GALNTL5: variants seen among roughly 807,000 people sequenced by gnomAD.
GALNTL5 encodes the protein inactive polypeptide N-acetylgalactosaminyltransferase-like protein 5.
GALNTL5 carries 44 observed loss-of-function variants against 51.0 expected under a neutral mutation model. The observed-to-expected ratio is 0.86, with a 90% confidence interval of 0.68 to 1.11. The LOEUF is 1.11. Ranked by LOEUF, GALNTL5 falls within the 50% of genes least tolerant of loss-of-function variation. The probability of loss-of-function intolerance (pLI) is 0.00; values close to 1 mark genes in which losing one functional copy is unlikely to be tolerated. For synonymous variants in GALNTL5, 192 were observed against 182.8 expected, an observed-to-expected ratio of 1.05 and a Z score of -0.41; for missense variants, 528 against 531.8, an observed-to-expected ratio of 0.99 and a Z score of 0.07.
intron 3 of GALNTL5, among the ~76,000 whole-genome samples, chr7:151,976,888 G>A (rs543845852): frequency 2.0e-5 from 3 of 152,070 alleles, no homozygotes; most frequent in East Asian, 1.9e-4. Context: ...GGCTGGTCTC[G>A]AACTCCTGAC....
At chr7:152,008,264 T>C (rs1414040555) in intron 7 of GALNTL5, among the ~76,000 whole-genome samples, 2 of 140,824 alleles carry the variant, frequency 1.4e-5, no homozygotes, top group Non-Finnish European at 3.1e-5. Flanking sequence ...TTTTTTTTTA[T>C]GAGATGTGGT....
intron 5 of GALNTL5, among the ~76,000 whole-genome samples, chr7:151,996,510 C>T (rs1344224111): frequency 6.6e-6 from 1 of 152,090 alleles, no homozygotes; most frequent in Non-Finnish European, 1.5e-5. Context: ...GAGGCTGAGG[C>T]GGGAGGATTG....
chr7:152,007,938 A>C lies in GALNTL5; in HGVS notation c.1020A>C (p.Ser340=). The C allele has an allele frequency of 1.4e-6, 2 of 1,478,140 alleles. No homozygotes were observed. The allele number at this position is 1,478,140 out of a possible 1,614,324, so 91.6% of individuals were successfully genotyped here. ...DFWGRENLEL[S]LRIWMCGGQL... ...GGGGAAGAGAAAATTTGGAACTTTC[A>C]CTAAGGGTAATTCAGATTTCATTTT... The change falls in exon 7 of 9, where the codon TCA becomes TCC. Residue 340 remains serine (S), a synonymous_variant. Transcript: ENST00000392800.
intron 7 of GALNTL5, among the ~76,000 whole-genome samples, chr7:152,012,704 C>T (rs538781490): frequency 1.3e-5 from 2 of 152,284 alleles, no homozygotes; most frequent in East Asian, 1.9e-4. Context: ...TGGTGATTCA[C>T]GCCTCTAATC....
At chr7:151,969,189 C>T (rs2151939849) in intron 2 of GALNTL5, among the ~76,000 whole-genome samples, 1 of 152,284 alleles carries the variant, frequency 6.6e-6, no homozygotes, top group East Asian at 1.9e-4. Context: ...CTGTTCAATT[C>T]ATCCCATTTT....
At chr7:151,995,347 AATTTTTTTTTTTTTTTTTTTTTTTT>A (rs2081484850) in intron 5 of GALNTL5, 5 of 90,980 alleles carry the variant, frequency 5.5e-5, no homozygotes, top group African/African-American at 1.2e-4. Context: ...AGTTGGTATG[AATTTTTTTTTTTTTTTTTTTTTTTT>A]TTTTTTTTTT....
At chr7:151,998,964 C>T (rs1359598786) in intron 5 of GALNTL5, among the ~76,000 whole-genome samples, 63 of 152,092 alleles carry the variant, frequency 4.1e-4, no homozygotes, top group Admixed American at 4.1e-3. Flanking sequence ...GCATTTCGCA[C>T]CTTCACAATG....
In GALNTL5 at chr7:152,002,704, G is replaced by A; in HGVS notation, c.659-10G>A. 6.2e-7 allele frequency: 1 copy of A among 1,613,522 alleles called. No homozygotes were observed. The highest frequency in any genetic ancestry group is 8.5e-7 in the Non-Finnish European group (1 of 1,179,754). On this transcript the variant is annotated splice_polypyrimidine_tract_variant and intron_variant, in intron 5 of 8. Transcript: ENST00000392800. The stretch of plus-strand genomic sequence containing the variant: ...TGTGGACTAACATTGCCCTGTTCTT[G>A]CCTCCCCAGGGGATGTTCTGGTGTT...
At chr7:152,006,911 G>A (rs530138160) in intron 6 of GALNTL5, among the ~76,000 whole-genome samples, 5 of 151,968 alleles carry the variant, frequency 3.3e-5, no homozygotes, top group Non-Finnish European at 7.4e-5. Context: ...GGGATTACAG[G>A]CGCGGGCAAC....
At chr7:151,973,595 T>TA (rs1288949717) in intron 3 of GALNTL5, among the ~76,000 whole-genome samples, 1 of 152,266 alleles carries the variant, frequency 6.6e-6, no homozygotes, top group East Asian at 1.9e-4. Flanking sequence ...CCAATGCCTG[T>TA]ACCGCTATTG....
Position 151,971,073 on chromosome 7 carries a change from GTCTC to G in GALNTL5, c.368+14_368+17del, listed in dbSNP as rs768882644. On this transcript the variant is annotated intron_variant, in intron 3 of 8. Coordinates refer to ENST00000392800, the MANE Select transcript of GALNTL5 (RefSeq NM_145292.4). ...AGATACCAGGAGTAAAATGTATGTT[GTCTC>G]TCTCTTTCTCTCATTCTCTAGATAG... The G allele has an allele frequency of 1.2e-6, 2 of 1,600,786 alleles. No homozygotes were observed. The highest frequency in any genetic ancestry group is 1.7e-6 in the Non-Finnish European group (2 of 1,170,286).
intron 3 of GALNTL5, 145 bp from the exon 4 acceptor site, chr7:151,982,841 A>G: frequency 6.5e-7 from 1 of 1,540,282 alleles, no homozygotes. Context: ...GTGTTTTTAG[A>G]TGTACTGTCA....
Position 152,002,875 on chromosome 7 carries a change from G to A in GALNTL5, c.820G>A (p.Gly274Arg), listed in dbSNP as rs769393458. 8 of 1,614,054 alleles carry A rather than the reference G, an allele frequency of 5.0e-6. No individual in the cohort carries two copies. Among genetic ancestry groups the A allele is most frequent in the Non-Finnish European group, 6.8e-6 (8 of 1,179,946 alleles). Reference protein sequence around the residue: ...LEYKPSPLVRGTFDWNLQFKW... With the variant: ...LEYKPSPLVRRTFDWNLQFKW... ...GTATAAGCCCTCTCCTCTTGTAAGGGGAACTTTTGATTGGAACCTACAATT... is the reference window on the plus strand; with the variant it reads ...GTATAAGCCCTCTCCTCTTGTAAGGAGAACTTTTGATTGGAACCTACAATT... The change falls in exon 6 of 9, where the codon GGA (glycine) becomes AGA (arginine). Residue 274 changes from glycine (G) to arginine (R), a missense_variant. Physicochemically the swap from Gly to Arg is moderately radical, Grantham distance 125. Transcript: ENST00000392800.
chr7:151,980,806 C>T (rs58183422), intron 3 of GALNTL5, among the ~76,000 whole-genome samples: 49,684 of 116,876 alleles, frequency 0.43, 11,200 homozygotes, highest in East Asian at 0.6. Flanking sequence ...AGTGCAGTGG[C>T]GGGATCTCGG....
At chr7:151,984,658 G>A (rs1224130494) in intron 4 of GALNTL5, among the ~76,000 whole-genome samples, 1 of 152,166 alleles carries the variant, frequency 6.6e-6, no homozygotes, top group African/African-American at 2.4e-5. Context: ...GAAGAGTGTG[G>A]AGTGAGGGCC....
chr7:151,992,328 T>C (rs991519753), intron 5 of GALNTL5, among the ~76,000 whole-genome samples: 2 of 152,224 alleles, frequency 1.3e-5, no homozygotes, highest in African/African-American at 4.8e-5. Flanking sequence ...ACTGTTATAA[T>C]GAAGTAGCAC....
intron 2 of GALNTL5, among the ~76,000 whole-genome samples, chr7:151,968,544 C>T (rs542886284): frequency 5.9e-5 from 9 of 152,298 alleles, no homozygotes; most frequent in East Asian, 1.9e-4. Context: ...CTGCTCATTT[C>T]CCCGAGGTCA....
At chr7:151,982,857 T>C in intron 3 of GALNTL5, 129 bp from the exon 4 acceptor site, 1 of 1,572,080 alleles carries the variant, frequency 6.4e-7, no homozygotes, top group Non-Finnish European at 8.6e-7. Flanking sequence ...TGTCACCTTA[T>C]TACCATAATT....
At chr7:151,976,912 A>G (rs2081213933) in intron 3 of GALNTL5, among the ~76,000 whole-genome samples, 1 of 152,016 alleles carries the variant, frequency 6.6e-6, no homozygotes, top group Non-Finnish European at 1.5e-5. Context: ...AGGTGATCCA[A>G]CCACCTTGGC....
Sources: allele counts gnomAD v4.1 joint callset (sites outside exome capture counted in the v4.1 genomes callset), GRCh38; gene constraint gnomAD v4.1.1; transcripts MANE v1.5; gene names NCBI Gene and HGNC (gene_info 2026-07-23, HGNC 2026-07-21).